PTPRK: variants seen among roughly 807,000 people sequenced by gnomAD.
The protein encoded by PTPRK is protein tyrosine phosphatase receptor type K.
In PTPRK, 75 loss-of-function variants were observed where a neutral mutation model predicts 178.0. The ratio of observed to expected loss-of-function variants is 0.42; its 90% confidence interval spans 0.35 to 0.51. PTPRK has a LOEUF of 0.51. Among genes scored for constraint, PTPRK ranks in the 20% least tolerant of loss-of-function variants. The probability of loss-of-function intolerance (pLI) is 0.02; values close to 1 mark genes in which losing one functional copy is unlikely to be tolerated. For missense variants in PTPRK, 1,441 were observed against 1,797.8 expected (o/e 0.80, Z 3.59); for synonymous variants, 637 against 620.6 (o/e 1.03, Z -0.39).
intron 7 of PTPRK, among the ~76,000 whole-genome samples, chr6:128,104,406 T>C (rs959253301): frequency 3.3e-5 from 5 of 152,286 alleles, no homozygotes; most frequent in East Asian, 1.9e-4. Context: ...GTATTTTTAG[T>C]AGAGACAGGG....
At chr6:128,091,513 G>A (rs1786944095) in intron 7 of PTPRK, among the ~76,000 whole-genome samples, 1 of 152,086 alleles carries the variant, frequency 6.6e-6, no homozygotes, top group Admixed American at 6.5e-5. Flanking sequence ...TGATTTTGCT[G>A]CCTCCTAGGT....
intron 20 of PTPRK, among the ~76,000 whole-genome samples, 176 bp downstream of exon 20, chr6:127,991,118 A>G (rs1305132926): frequency 6.6e-6 from 1 of 152,056 alleles, no homozygotes; most frequent in Non-Finnish European, 1.5e-5. Flanking sequence ...TTATTACTCA[A>G]TGAGAAATCA....
chr6:128,254,571 T>G (rs1212703215), intron 3 of PTPRK, among the ~76,000 whole-genome samples: 1 of 152,158 alleles, frequency 6.6e-6, no homozygotes, highest in Non-Finnish European at 1.5e-5. Flanking sequence ...ATGGTTCACT[T>G]GATTCTTTGC....
At chr6:128,184,298 T>A in intron 7 of PTPRK, 134 bp downstream of exon 7, 1 of 915,482 alleles carries the variant, frequency 1.1e-6, no homozygotes, top group Non-Finnish European at 1.6e-6. Flanking sequence ...TGATGATTTA[T>A]GTAATTCATT....
At chr6:128,403,936 A>G (rs1584550040) in intron 1 of PTPRK, among the ~76,000 whole-genome samples, 1 of 152,212 alleles carries the variant, frequency 6.6e-6, no homozygotes, top group African/African-American at 2.4e-5. Flanking sequence ...TTGTCATAGT[A>G]TCAAGAAGCC....
intron 1 of PTPRK, among the ~76,000 whole-genome samples, chr6:128,501,454 A>T (rs1294612618): frequency 6.6e-6 from 1 of 152,086 alleles, no homozygotes; most frequent in African/African-American, 2.4e-5. Context: ...CATATACAAC[A>T]TATTCACAAT....
chr6:128,355,231 T>C (rs890688801), intron 2 of PTPRK, among the ~76,000 whole-genome samples: 4 of 152,224 alleles, frequency 2.6e-5, no homozygotes, highest in Admixed American at 2.6e-4. Flanking sequence ...AGTTCAGTAA[T>C]TATGCAACGT....
chr6:127,992,131 T>A (rs1311618146), intron 19 of PTPRK, among the ~76,000 whole-genome samples: 1 of 151,770 alleles, frequency 6.6e-6, no homozygotes, highest in Non-Finnish European at 1.5e-5. Flanking sequence ...TTGTTGTTAT[T>A]TGGATACTTT....
At chr6:128,323,831 CT>C (rs968603666) in intron 2 of PTPRK, among the ~76,000 whole-genome samples, 16 of 149,564 alleles carry the variant, frequency 1.1e-4, no homozygotes, top group South Asian at 2.1e-4. Context: ...AGCTAGGATT[CT>C]TTTTTTTTTC....
intron 1 of PTPRK, among the ~76,000 whole-genome samples, chr6:128,464,850 C>T (rs932456166): frequency 6.7e-6 from 1 of 148,466 alleles, no homozygotes; most frequent in Non-Finnish European, 1.5e-5. Context: ...AAAAAAAAGA[C>T]AATAACAACA....
chr6:128,442,812 C>T (rs149344547), intron 1 of PTPRK, among the ~76,000 whole-genome samples: 10 of 152,252 alleles, frequency 6.6e-5, no homozygotes, highest in Admixed American at 2.0e-4. Context: ...ATTCATTCAC[C>T]GATGGACCCC....
At chr6:128,288,187 C>A (rs1028199939) in intron 3 of PTPRK, among the ~76,000 whole-genome samples, 1 of 152,174 alleles carries the variant, frequency 6.6e-6, no homozygotes. Flanking sequence ...ACTGTATACT[C>A]GTTGGCTGTT....
At chr6:128,077,239 A>C (rs1053830997) in intron 11 of PTPRK, among the ~76,000 whole-genome samples, 1 of 152,042 alleles carries the variant, frequency 6.6e-6, no homozygotes, top group Non-Finnish European at 1.5e-5. Context: ...TGTTGAGTGC[A>C]GGCATTTTCT....
intron 13 of PTPRK, among the ~76,000 whole-genome samples, chr6:128,033,862 CA>C (rs1361050624): frequency 2.4e-4 from 33 of 140,064 alleles, no homozygotes; most frequent in Middle Eastern, 3.6e-3. Flanking sequence ...GACCTTGTCT[CA>C]AAAAAAAAAA....
At chr6:128,205,769 T>A (rs1442694181) in intron 6 of PTPRK, among the ~76,000 whole-genome samples, 4 of 77,278 alleles carry the variant, frequency 5.2e-5, no homozygotes, top group Admixed American at 2.2e-4. Context: ...AGAATCTGCA[T>A]CACAGACCAA....
intron 2 of PTPRK, among the ~76,000 whole-genome samples, chr6:128,331,921 A>G (rs1206839507): frequency 6.6e-6 from 1 of 152,082 alleles, no homozygotes; most frequent in African/African-American, 2.4e-5. Flanking sequence ...AGTGCTTTGT[A>G]TTTGTTCTAG....
chr6:128,046,189 C>T (rs1778006232), intron 13 of PTPRK, among the ~76,000 whole-genome samples: 1 of 152,092 alleles, frequency 6.6e-6, no homozygotes, highest in Non-Finnish European at 1.5e-5. Context: ...GTCTATTACT[C>T]TATTACTAAT....
chr6:128,272,663 C>T (rs564734530), intron 3 of PTPRK, among the ~76,000 whole-genome samples: 1 of 152,260 alleles, frequency 6.6e-6, no homozygotes, highest in African/African-American at 2.4e-5. Flanking sequence ...AATGAGATGC[C>T]ATCTCACACC....
chr6:128,004,997 C>A, intron 15 of PTPRK, 87 bp downstream of exon 15: 1 of 1,163,986 alleles, frequency 8.6e-7, no homozygotes, highest in Non-Finnish European at 1.2e-6. Context: ...CTTTCCTACT[C>A]TCTCTCATTA....
Sources: gnomAD v4.1 joint callset for allele counts (sites outside exome capture counted in the v4.1 genomes callset) on GRCh38, gnomAD v4.1.1 for gene constraint, MANE v1.5 for transcripts, NCBI Gene and HGNC (gene_info 2026-07-23, HGNC 2026-07-21) for gene names.